Variants in ATP2B1 observed in about 807,000 individuals in gnomAD.
ATP2B1 encodes ATPase plasma membrane Ca2+ transporting 1.
A neutral mutation model predicts 124.2 loss-of-function variants in ATP2B1; 14 were observed. The ratio of observed to expected loss-of-function variants is 0.11; its 90% confidence interval spans 0.07 to 0.18. The LOEUF (loss-of-function observed/expected upper bound fraction) is 0.18, where lower values mean the gene tolerates loss of function less well. ATP2B1 is among the 10% of genes least tolerant of loss of function. The probability of loss-of-function intolerance (pLI) is 1.00; values close to 1 mark genes in which losing one functional copy is unlikely to be tolerated. For missense variants in ATP2B1, 763 were observed against 1,466.1 expected, an observed-to-expected ratio of 0.52 and a Z score of 7.83; for synonymous variants, 449 against 492.4, an observed-to-expected ratio of 0.91 and a Z score of 1.17.
chr12:89,617,583 T>C (rs924067639), intron 11 of ATP2B1, among the ~76,000 whole-genome samples: 1 of 152,222 alleles, frequency 6.6e-6, no homozygotes, highest in Non-Finnish European at 1.5e-5. Flanking sequence ...GTGACACTAC[T>C]ACCTTTTCTT....
chr12:89,627,540 AG>A, intron 7 of ATP2B1, 137 bp downstream of exon 7: 1 of 858,004 alleles, frequency 1.2e-6, no homozygotes, highest in Admixed American at 2.4e-5. Context: ...ACCGGCAGGA[AG>A]AAAGGTTAAC....
At chr12:89,707,661 G>A (rs1390935938) in intron 1 of ATP2B1, among the ~76,000 whole-genome samples, 1 of 151,958 alleles carries the variant, frequency 6.6e-6, no homozygotes, top group African/African-American at 2.4e-5. Flanking sequence ...TAACCCACCC[G>A]GACGCCCTGC....
At chr12:89,668,460 TAC>T (rs1050198754) in intron 1 of ATP2B1, among the ~76,000 whole-genome samples, 3 of 152,102 alleles carry the variant, frequency 2.0e-5, no homozygotes, top group South Asian at 2.1e-4. Flanking sequence ...AGAAAAAACA[TAC>T]AGTTTTCAAA....
At chr12:89,634,928 A>G (rs543852619) in intron 4 of ATP2B1, 25 bp from the exon 5 acceptor site, 2 of 1,610,714 alleles carry the variant, frequency 1.2e-6, no homozygotes, top group Non-Finnish European at 1.7e-6. Context: ...ATGATATACT[A>G]AACTTATAAA....
At chr12:89,676,029 T>G (rs555409624) in intron 1 of ATP2B1, among the ~76,000 whole-genome samples, 4 of 152,212 alleles carry the variant, frequency 2.6e-5, no homozygotes, top group African/African-American at 9.6e-5. Context: ...AGGGGGTTAA[T>G]TATGTCTGAT....
chr12:89,624,691 T>C (rs1880543129), intron 8 of ATP2B1, among the ~76,000 whole-genome samples: 1 of 152,158 alleles, frequency 6.6e-6, no homozygotes, highest in Non-Finnish European at 1.5e-5. Context: ...TACGCAATGA[T>C]AAGGAAGTAT....
intron 15 of ATP2B1, among the ~76,000 whole-genome samples, chr12:89,608,422 C>T (rs975784952): frequency 1.3e-5 from 2 of 151,728 alleles, no homozygotes; most frequent in African/African-American, 2.4e-5. Flanking sequence ...GTGATCCGCC[C>T]GCCTCAGCCT....
Position 89,621,692 on chromosome 12 carries a change from T to A in ATP2B1, c.1444A>T (p.Met482Leu). 1.2e-6 allele frequency: 2 copies of A among 1,612,352 alleles called. No homozygotes were observed. The highest frequency in any genetic ancestry group is 1.7e-6 in the Non-Finnish European group (2 of 1,178,986). ...ICSDKTGTLT[M>L]NRMTVVQAYI... The stretch of plus-strand genomic sequence containing the variant: ...GCTTGAACGACTGTCATTCTGTTCA[T>A]TGTCAAAGTTCCTGTTTTATCTGAA... The change falls in exon 10 of 21, where the codon ATG (methionine) becomes TTG (leucine). Residue 482 changes from methionine (M) to leucine (L), a missense_variant. Met to Leu is a conservative substitution (Grantham distance 15). Transcript: ENST00000428670.
intron 9 of ATP2B1, 54 bp downstream of exon 9, chr12:89,624,129 A>T: frequency 6.6e-7 from 1 of 1,507,102 alleles, no homozygotes; most frequent in Non-Finnish European, 9.1e-7. Context: ...GGCATTTTCT[A>T]TACCAGCTAA....
chr12:89,620,271 T>A lies in ATP2B1; in HGVS notation c.1588-31A>T, dbSNP rs532338679. On this transcript the variant is annotated intron_variant, in intron 10 of 20. Transcript: ENST00000428670. ...AGAGAAAAACATTTAGTAGCTAGTA[T>A]CTCGTTTCTCTAAGAACGTTTAATT... The A allele has an allele frequency of 6.7e-5, 108 of 1,606,548 alleles. 2 individuals carry two copies. The Admixed American group carries it at 1.8e-3, about 27-fold the overall frequency.
Position 89,610,050 on chromosome 12 carries a change from T to C in ATP2B1, c.2336-7A>G. 6.2e-7 allele frequency: 1 copy of C among 1,602,166 alleles called. No homozygotes were observed. Among genetic ancestry groups the C allele is most frequent in the Non-Finnish European group, 8.5e-7 (1 of 1,170,556 alleles). ...ACAGTGCTGTCAATTATACCTTAAA[T>C]ACAAGCAAATATTTGTGTTATAAAA... On this transcript the variant is annotated splice_polypyrimidine_tract_variant and splice_region_variant and intron_variant, in intron 14 of 20. Coordinates refer to ENST00000428670, the MANE Select transcript of ATP2B1 (RefSeq NM_001366521.1).
chr12:89,630,057 G>T (rs150892052), intron 6 of ATP2B1, among the ~76,000 whole-genome samples: 66 of 152,332 alleles, frequency 4.3e-4, no homozygotes, highest in African/African-American at 1.6e-3. Flanking sequence ...CAAGAGAAAT[G>T]TAAGGTGTCA....
intron 1 of ATP2B1, among the ~76,000 whole-genome samples, chr12:89,659,848 A>C (rs901134661): frequency 1.3e-5 from 2 of 149,928 alleles, no homozygotes; most frequent in African/African-American, 4.9e-5. Context: ...GTGTGAACCC[A>C]GGAGGCAGAG....
At chr12:89,699,262 A>G (rs1333301410) in intron 1 of ATP2B1, among the ~76,000 whole-genome samples, 1 of 152,252 alleles carries the variant, frequency 6.6e-6, no homozygotes, top group East Asian at 1.9e-4. Context: ...TTTTTAAAAA[A>G]GAATTCCCTT....
rs537779431 is a variant in ATP2B1 at position 89,686,188 on chromosome 12, C to T, written c.-222+22408G>A. Among the ~76,000 whole-genome samples the T allele has an allele frequency of 5.3e-5, 8 of 152,164 alleles. No homozygotes were observed. The East Asian group carries it at 1.5e-3, about 29-fold the overall frequency. ...TTCCTTCAGCATGTGTTCTTCAAGG[C>T]AATCTTTCACCATTTTTAGATGATG... On this transcript the variant is annotated intron_variant, in intron 1 of 20. Coordinates refer to ENST00000428670, the MANE Select transcript of ATP2B1 (RefSeq NM_001366521.1).
chr12:89,639,452 C>T (rs1411802081), intron 3 of ATP2B1, among the ~76,000 whole-genome samples: 2 of 151,648 alleles, frequency 1.3e-5, no homozygotes, highest in Non-Finnish European at 2.9e-5. Flanking sequence ...TGCAGTGAGC[C>T]GAGATAGTGC....
rs140462394 is a variant in ATP2B1 at position 89,596,888 on chromosome 12, T to C, written c.3351+2229A>G. Among the ~76,000 whole-genome samples, 303 of 152,242 alleles carry C rather than the reference T, an allele frequency of 2.0e-3. 1 individual carries two copies. Among genetic ancestry groups the C allele is most frequent in the African/African-American group, 7.1e-3 (294 of 41,556 alleles). On this transcript the variant is annotated intron_variant, in intron 20 of 20. Transcript: ENST00000428670. ...CAGTACCAGACTATTATCAATCCCT[T>C]AGTTTATTCCTCTTTTAGTACCAGA...
At chr12:89,611,128 T>C in intron 13 of ATP2B1, 65 bp downstream of exon 13, 2 of 1,419,432 alleles carry the variant, frequency 1.4e-6, no homozygotes, top group Non-Finnish European at 1.9e-6. Flanking sequence ...TATGTGTTTG[T>C]TGAGTTAAAT....
At position 89,610,539 on chromosome 12, in the gene ATP2B1, C is replaced by T. The variant is rs956845047; in HGVS notation, c.2248-31G>A. 5.2e-6 allele frequency: 8 copies of T among 1,548,756 alleles called. No homozygotes were observed. In the African/African-American group the frequency reaches 9.5e-5, roughly 18 times the overall value. ...AGTGTTTATCAAAGTTAAAATATGCCCAAACATAGTTTCTTAAATCCTAAT... is the reference window on the plus strand; with the variant it reads ...AGTGTTTATCAAAGTTAAAATATGCTCAAACATAGTTTCTTAAATCCTAAT... On this transcript the variant is annotated intron_variant, in intron 13 of 20. Coordinates refer to ENST00000428670, the MANE Select transcript of ATP2B1 (RefSeq NM_001366521.1).
Sources: allele counts gnomAD v4.1 joint callset (sites outside exome capture counted in the v4.1 genomes callset), GRCh38; gene constraint gnomAD v4.1.1; transcripts MANE v1.5; gene names NCBI Gene and HGNC (gene_info 2026-07-23, HGNC 2026-07-21).